GLMN: variants seen among roughly 807,000 people sequenced by gnomAD.
GLMN encodes the protein glomulin.
A neutral mutation model predicts 87.8 loss-of-function variants in GLMN; 75 were observed. That is an observed-to-expected ratio of 0.85 (90% CI 0.71 to 1.04). The LOEUF (loss-of-function observed/expected upper bound fraction) is 1.04. Ranked by LOEUF, GLMN falls within the 50% of genes least tolerant of loss-of-function variation. GLMN has a pLI of 0.00. For missense variants in GLMN, 588 were observed against 658.8 expected (o/e 0.89, Z 1.18); for synonymous variants, 206 against 221.6 (o/e 0.93, Z 0.63).
the GLMN span, among the ~76,000 whole-genome samples, chr1:92,357,881 A>G: frequency 6.6e-6 from 1 of 152,190 alleles, no homozygotes; most frequent in African/African-American, 2.4e-5. Context: ...GTGGGTAATG[A>G]AAGTCATTTA....
chr1:92,298,074 T>C, intron 1 of GLMN, 45 bp from the exon 2 acceptor site: 4 of 832,270 alleles, frequency 4.8e-6, no homozygotes, highest in Non-Finnish European at 8.4e-6. Flanking sequence ...ATATTACACT[T>C]AAGTATTCAA....
At chr1:92,361,879 G>T in the GLMN span, among the ~76,000 whole-genome samples, 3 of 152,074 alleles carry the variant, frequency 2.0e-5, no homozygotes, top group Non-Finnish European at 4.4e-5. Context: ...TAGAAGAATT[G>T]GTTATAGAGC....
the GLMN span, among the ~76,000 whole-genome samples, chr1:92,338,766 A>AT: frequency 4.7e-5 from 7 of 148,564 alleles, no homozygotes; most frequent in Non-Finnish European, 9.0e-5. Flanking sequence ...AGCCTGGCTA[A>AT]TTTTTTTTTT....
chr1:92,301,394 G>A, upstream of GLMN: 1 of 570,926 alleles, frequency 1.8e-6, no homozygotes, highest in Non-Finnish European at 3.0e-6. Context: ...AAAATAGTGA[G>A]TTAGGTTAGT....
At chr1:92,297,791 C>T in intron 2 of GLMN, 170 bp downstream of exon 2, 1 of 629,582 alleles carries the variant, frequency 1.6e-6, no homozygotes, top group South Asian at 2.0e-5. Context: ...ATAAGTATGT[C>T]ACCTGGAGAA....
chr1:92,290,344 G>T, intron 4 of GLMN, 38 bp from the exon 5 acceptor site: 1 of 1,194,652 alleles, frequency 8.4e-7, no homozygotes, highest in Non-Finnish European at 1.3e-6. Context: ...TTTAATACAA[G>T]TTGTATTTAA....
At chr1:92,307,218 T>C in the GLMN span, 2 of 1,611,910 alleles carry the variant, frequency 1.2e-6, no homozygotes, top group African/African-American at 1.3e-5. Flanking sequence ...TTATCAAGCA[T>C]CTAAGTTTTT....
chr1:92,336,544 T>C, the GLMN span: 2 of 663,164 alleles, frequency 3.0e-6, no homozygotes, highest in East Asian at 2.7e-5. Flanking sequence ...CAGATCTAAA[T>C]ACAGTATTCT....
intron 16 of GLMN, among the ~76,000 whole-genome samples, chr1:92,259,729 TTTC>T (rs1334629413): frequency 5.5e-4 from 65 of 119,256 alleles, no homozygotes; most frequent in African/African-American, 9.0e-4. Flanking sequence ...CTTTTTTTTC[TTTC>T]TTTTTTTTTT....
intron 16 of GLMN, among the ~76,000 whole-genome samples, chr1:92,251,294 A>G (rs1478607894): frequency 2.0e-5 from 3 of 152,214 alleles, no homozygotes; most frequent in African/African-American, 7.2e-5. Context: ...AATGGAATAG[A>G]GTCCAAAAAT....
the GLMN span, among the ~76,000 whole-genome samples, chr1:92,358,944 G>A: frequency 2.0e-5 from 3 of 152,086 alleles, no homozygotes; most frequent in Non-Finnish European, 1.5e-5. Flanking sequence ...CCTATCCTTT[G>A]TTCTTGACCT....
chr1:92,325,389 C>T, the GLMN span, among the ~76,000 whole-genome samples: 1 of 152,002 alleles, frequency 6.6e-6, no homozygotes, highest in African/African-American at 2.4e-5. Flanking sequence ...CAAATCATTT[C>T]AAGTATCTTA....
chr1:92,270,335 C>A (rs1362833153), intron 8 of GLMN, among the ~76,000 whole-genome samples: 2 of 152,174 alleles, frequency 1.3e-5, no homozygotes, highest in African/African-American at 2.4e-5. Context: ...TGGGGTCAGA[C>A]AGAGCTATCT....
At chr1:92,308,547 AC>A in the GLMN span, among the ~76,000 whole-genome samples, 1 of 151,946 alleles carries the variant, frequency 6.6e-6, no homozygotes, top group South Asian at 2.1e-4. Context: ...CTTAAATTTA[AC>A]CCTTTGTGCC....
At chr1:92,281,028 A>C (rs1647976977) in intron 7 of GLMN, among the ~76,000 whole-genome samples, 1 of 152,254 alleles carries the variant, frequency 6.6e-6, no homozygotes, top group African/African-American at 2.4e-5. Context: ...AATGGAACAA[A>C]GTTAGAAAAC....
Position 92,290,319 on chromosome 1 carries a change from T to C in GLMN, c.286-13A>G. The C allele has an allele frequency of 6.9e-7, 1 of 1,442,104 alleles. No individual in the cohort carries two copies. The highest frequency in any genetic ancestry group is 1.1e-5 in the South Asian group (1 of 87,514). The allele number at this position is 1,442,104 out of a possible 1,614,324, so 89.3% of individuals were successfully genotyped here. A position where few individuals can be genotyped will look rare whatever the true frequency, so the allele number is the denominator to read the frequency against. On this transcript the variant is annotated splice_polypyrimidine_tract_variant and intron_variant, in intron 4 of 18. Transcript: ENST00000370360. ...TTGGATTGCATAACTATAAAAATAT[T>C]CACAATTGAACCTGTTTAATACAAG...
chr1:92,248,158 TAAAAG>T, intron 16 of GLMN, 169 bp from the exon 17 acceptor site: 1 of 571,206 alleles, frequency 1.8e-6, no homozygotes, highest in Non-Finnish European at 3.1e-6. Context: ...GAATACCAAT[TAAAAG>T]AAAAATGTAC....
chr1:92,256,477 C>T (rs1008838573), intron 16 of GLMN, among the ~76,000 whole-genome samples: 7 of 152,130 alleles, frequency 4.6e-5, no homozygotes, highest in Non-Finnish European at 7.4e-5. Context: ...GCCAATATCC[C>T]TGATGAACAT....
chr1:92,254,560 A>AGCG (rs1481852492), intron 16 of GLMN, among the ~76,000 whole-genome samples: 1 of 152,258 alleles, frequency 6.6e-6, no homozygotes, highest in Non-Finnish European at 1.5e-5. Flanking sequence ...TCAGACTAAC[A>AGCG]GCGGTTCTCT....
Sources: allele counts gnomAD v4.1 joint callset (sites outside exome capture counted in the v4.1 genomes callset), GRCh38; gene constraint gnomAD v4.1.1; transcripts MANE v1.5; gene names NCBI Gene and HGNC (gene_info 2026-07-23, HGNC 2026-07-21).